The following LSM14A variants were observed in gnomAD, a reference collection of about 807,000 sequenced individuals.
LSM14A encodes protein LSM14 homolog A.
A neutral mutation model predicts 52.4 loss-of-function variants in LSM14A; 14 were observed. The ratio of observed to expected loss-of-function variants is 0.27; its 90% CI spans 0.18 to 0.42. LSM14A has a LOEUF of 0.42. Ranked by LOEUF, LSM14A falls within the 10% of genes least tolerant of loss-of-function variation. The pLI is 1.00. For synonymous variants in LSM14A, 185 were observed against 200.3 expected (o/e 0.92, Z 0.64); for missense variants, 417 against 581.8 (o/e 0.72, Z 2.91).
chr19:34,194,650 T>C lies in LSM14A; in HGVS notation c.285+9T>C. The C allele has an allele frequency of 6.2e-7, 1 of 1,613,930 alleles. No homozygotes were observed. The highest frequency in any genetic ancestry group is 2.2e-5 in the East Asian group (1 of 44,878). ...ACCCAGCTATTGTTCAGGTAACTGATGGTAAATTTGTCTTGGAGTACAGGT... is the reference window on the plus strand; with the variant it reads ...ACCCAGCTATTGTTCAGGTAACTGACGGTAAATTTGTCTTGGAGTACAGGT... On this transcript the variant is annotated intron_variant, in intron 2 of 9. Coordinates refer to ENST00000544216, the MANE Select transcript of LSM14A (RefSeq NM_015578.4).
intron 3 of LSM14A, among the ~76,000 whole-genome samples, chr19:34,198,267 AT>A (rs756184544): frequency 8.6e-5 from 13 of 152,034 alleles, no homozygotes; most frequent in Non-Finnish European, 1.2e-4. Flanking sequence ...TGACTTAAGT[AT>A]TTAAATGTTT....
At chr19:34,179,194 CAA>C (rs1412917516) in intron 1 of LSM14A, among the ~76,000 whole-genome samples, 1 of 152,138 alleles carries the variant, frequency 6.6e-6, no homozygotes, top group Non-Finnish European at 1.5e-5. Context: ...TTCTTAAAAT[CAA>C]GAGATTGGTG....
intron 8 of LSM14A, 174 bp from the exon 9 acceptor site, chr19:34,221,333 C>T (rs944541326): frequency 1.6e-5 from 11 of 686,876 alleles, no homozygotes; most frequent in African/African-American, 1.1e-4. Flanking sequence ...TCCGCCCCCT[C>T]GGCCTCCCAA....
In LSM14A at chr19:34,201,435, C is replaced by T. The variant is rs532992035; in HGVS notation, c.415+4672C>T. 3.3e-5 allele frequency among the ~76,000 whole-genome samples: 5 copies of T among 152,306 alleles called. No homozygotes were observed. In the East Asian group the frequency reaches 7.7e-4, roughly 23 times the overall value. ...TCAGCTCACTGCAGCCCCCTCCTCC[C>T]GGGTTCAAGCGAGTCTCCTGCCTCA... On this transcript the variant is annotated intron_variant, in intron 3 of 9. Transcript: ENST00000544216.
At position 34,182,841 on chromosome 19, in the gene LSM14A, C is replaced by CAAA. The variant is rs34045024; in HGVS notation, c.121+10091_121+10093dup. Among the ~76,000 whole-genome samples the CAAA allele has an allele frequency of 6.7e-3, 815 of 122,350 alleles. 13 individuals are homozygous for CAAA. Among genetic ancestry groups the CAAA allele is most frequent in the African/African-American group, 0.018 (567 of 32,166 alleles). 80.3% of individuals were successfully genotyped at this position (122,350 alleles called of 152,430 possible). Reference sequence around the variant, plus strand: ...CCTAAGCGACAGTGAGACTCCATCTCAAAAAAAAAAAAAAAGAGTCAACTC... The same window carrying CAAA: ...CCTAAGCGACAGTGAGACTCCATCTCAAAAAAAAAAAAAAAAAAGAGTCAACTC... On this transcript the variant is annotated intron_variant, in intron 1 of 9. Transcript: ENST00000544216.
chr19:34,219,944 T>A, intron 8 of LSM14A, 67 bp downstream of exon 8: 1 of 1,184,310 alleles, frequency 8.4e-7, no homozygotes, highest in African/African-American at 1.5e-5. Flanking sequence ...TTCATGTAAA[T>A]TCACGAGGTT....
intron 1 of LSM14A, among the ~76,000 whole-genome samples, chr19:34,193,397 G>A (rs1004933433): frequency 1.9e-4 from 29 of 152,258 alleles, no homozygotes; most frequent in East Asian, 5.8e-4. Context: ...CTGGGCTCAA[G>A]CAGTCCTCCC....
intron 6 of LSM14A, among the ~76,000 whole-genome samples, chr19:34,217,685 T>TG (rs1447635193): frequency 1.6e-5 from 2 of 123,756 alleles, no homozygotes; most frequent in African/African-American, 6.1e-5. Context: ...TGGAGTGCAG[T>TG]GGGGCACGAT....
At position 34,177,729 on chromosome 19, in the gene LSM14A, A is replaced by C. The variant is rs192931981; in HGVS notation, c.121+4966A>C. 6.0e-4 allele frequency among the ~76,000 whole-genome samples: 91 copies of C among 152,122 alleles called. No individual in the cohort carries two copies. In the East Asian group the frequency reaches 0.017, roughly 29 times the overall value. ...ACAGGGAGACTCCATTTCTACAAAA[A>C]ATTTTAAAAAGTGCATTAGCCAAGC... is the stretch of plus-strand genomic sequence containing the variant. On this transcript the variant is annotated intron_variant, in intron 1 of 9. Coordinates refer to ENST00000544216, the MANE Select transcript of LSM14A (RefSeq NM_015578.4).
intron 3 of LSM14A, among the ~76,000 whole-genome samples, chr19:34,204,488 G>A (rs1411307149): frequency 6.6e-6 from 1 of 150,646 alleles, no homozygotes; most frequent in Admixed American, 6.6e-5. Flanking sequence ...AAGGTGGGAG[G>A]ATCACTTGAG....
intron 4 of LSM14A, among the ~76,000 whole-genome samples, chr19:34,209,293 T>G (rs2071954813): frequency 6.6e-6 from 1 of 152,252 alleles, no homozygotes; most frequent in South Asian, 2.1e-4. Context: ...AAGTTGGACT[T>G]TTTTTGCAAA....
chr19:34,222,117 C>T (rs2073100649), intron 9 of LSM14A, among the ~76,000 whole-genome samples: 1 of 152,138 alleles, frequency 6.6e-6, no homozygotes, highest in Admixed American at 6.5e-5. Flanking sequence ...TTAAACTGCA[C>T]ATCAACTCTG....
intron 1 of LSM14A, among the ~76,000 whole-genome samples, chr19:34,188,361 A>C (rs1220662537): frequency 2.6e-5 from 4 of 151,834 alleles, no homozygotes; most frequent in Non-Finnish European, 4.4e-5. Flanking sequence ...GAGGACAACC[A>C]CCCCTAGTTT....
At chr19:34,225,018 C>T (rs1238389381) in intron 9 of LSM14A, among the ~76,000 whole-genome samples, 2 of 152,208 alleles carry the variant, frequency 1.3e-5, no homozygotes, top group African/African-American at 4.8e-5. Context: ...CTTTGGCACA[C>T]ATTTTAAATA....
intron 3 of LSM14A, among the ~76,000 whole-genome samples, chr19:34,197,488 G>A (rs1299461145): frequency 2.4e-4 from 30 of 126,610 alleles, no homozygotes; most frequent in African/African-American, 9.1e-4. Context: ...GCCCAGGCTA[G>A]AGTGCAGTGG....
At chr19:34,216,812 G>T (rs1029828267) in intron 6 of LSM14A, among the ~76,000 whole-genome samples, 2 of 152,024 alleles carry the variant, frequency 1.3e-5, no homozygotes, top group African/African-American at 4.8e-5. Flanking sequence ...GGATTTGTTC[G>T]TTTATATTTA....
intron 3 of LSM14A, among the ~76,000 whole-genome samples, chr19:34,197,238 G>T (rs1823362754): frequency 6.6e-6 from 1 of 151,448 alleles, no homozygotes; most frequent in African/African-American, 2.4e-5. Flanking sequence ...ATTACGATAT[G>T]CATCACCACA....
chr19:34,227,128 G>T (rs552784907), intron 9 of LSM14A, among the ~76,000 whole-genome samples: 3 of 152,312 alleles, frequency 2.0e-5, no homozygotes, highest in African/African-American at 7.2e-5. Flanking sequence ...GTATTTTGGG[G>T]TGGGGTTCAC....
chr19:34,219,951 G>T, intron 8 of LSM14A, 74 bp downstream of exon 8: 1 of 1,075,978 alleles, frequency 9.3e-7, no homozygotes. Context: ...AAATTCACGA[G>T]GTTTAATGAA....
Sources: gnomAD v4.1 joint callset for allele counts (sites outside exome capture counted in the v4.1 genomes callset) on GRCh38, gnomAD v4.1.1 for gene constraint, MANE v1.5 for transcripts, NCBI Gene and HGNC (gene_info 2026-07-23, HGNC 2026-07-21) for gene names.